HS6ST3: variants seen among roughly 807,000 people sequenced by gnomAD.
HS6ST3 encodes heparan-sulfate 6-O-sulfotransferase 3.
In HS6ST3, 12 loss-of-function variants were observed where a neutral mutation model predicts 36.7. The ratio of observed to expected loss-of-function variants is 0.33; its 90% CI spans 0.21 to 0.53. HS6ST3 has a LOEUF of 0.53. Among genes scored for constraint, HS6ST3 ranks in the 20% least tolerant of loss-of-function variants. The pLI is 0.95. For synonymous variants in HS6ST3, 240 were observed against 257.5 expected, an observed-to-expected ratio of 0.93 and a Z score of 0.65; for missense variants, 584 against 640.9, an observed-to-expected ratio of 0.91 and a Z score of 0.96.
chr13:96,303,044 C>T (rs1463874817), intron 1 of HS6ST3, among the ~76,000 whole-genome samples: 2 of 152,140 alleles, frequency 1.3e-5, no homozygotes, highest in African/African-American at 4.8e-5. Context: ...ACTGTATGGC[C>T]TGCAAAGTTC....
intron 1 of HS6ST3, among the ~76,000 whole-genome samples, chr13:96,349,694 A>G (rs1449053078): frequency 6.6e-6 from 1 of 152,188 alleles, no homozygotes; most frequent in Non-Finnish European, 1.5e-5. Flanking sequence ...ACAAAAATTT[A>G]AACTGCTTTG....
At chr13:96,464,938 A>C (rs957228078) in intron 1 of HS6ST3, among the ~76,000 whole-genome samples, 1 of 141,482 alleles carries the variant, frequency 7.1e-6, no homozygotes, top group Non-Finnish European at 1.5e-5. Context: ...CTATATTGGC[A>C]AGATGCTTCG....
At chr13:96,614,936 T>C (rs1485464431) in intron 1 of HS6ST3, among the ~76,000 whole-genome samples, 5 of 152,174 alleles carry the variant, frequency 3.3e-5, no homozygotes, top group African/African-American at 9.7e-5. Flanking sequence ...CATTTATTTA[T>C]AATATATCTT....
At chr13:96,371,435 A>C (rs957283163) in intron 1 of HS6ST3, among the ~76,000 whole-genome samples, 1 of 152,182 alleles carries the variant, frequency 6.6e-6, no homozygotes, top group African/African-American at 2.4e-5. Context: ...CAACCTATCC[A>C]TCACCTCACA....
At chr13:96,825,739 G>A (rs927548926) in intron 1 of HS6ST3, among the ~76,000 whole-genome samples, 3 of 152,164 alleles carry the variant, frequency 2.0e-5, no homozygotes, top group Admixed American at 1.3e-4. Context: ...TCCAGTCTAT[G>A]CCCTCCTTCC....
At chr13:96,758,045 C>CA (rs1339419681) in intron 1 of HS6ST3, among the ~76,000 whole-genome samples, 1 of 151,820 alleles carries the variant, frequency 6.6e-6, no homozygotes, top group Admixed American at 6.6e-5. Context: ...ATAGAATGAC[C>CA]AGTTAATCTA....
At chr13:96,108,217 C>G (rs1007191767) in intron 1 of HS6ST3, among the ~76,000 whole-genome samples, 4 of 152,184 alleles carry the variant, frequency 2.6e-5, no homozygotes, top group African/African-American at 9.7e-5. Flanking sequence ...CTGGGAGTGT[C>G]TGCCTTATGC....
intron 1 of HS6ST3, among the ~76,000 whole-genome samples, chr13:96,266,681 C>T (rs2104657): frequency 0.042 from 6,342 of 152,004 alleles, 213 homozygotes; most frequent in African/African-American, 0.099. Context: ...TTTTCATTTT[C>T]AATGATTAGG....
chr13:96,472,441 CT>C, intron 1 of HS6ST3, among the ~76,000 whole-genome samples: 1 of 152,274 alleles, frequency 6.6e-6, no homozygotes, highest in African/African-American at 2.4e-5. Context: ...CTCTGGCCTT[CT>C]TTATTTAGCT....
intron 1 of HS6ST3, among the ~76,000 whole-genome samples, chr13:96,130,486 GAAA>G (rs2053970398): frequency 6.6e-6 from 1 of 152,186 alleles, no homozygotes; most frequent in South Asian, 2.1e-4. Context: ...ATGATTTCTG[GAAA>G]AGAGATTAAT....
At chr13:96,589,349 C>T (rs2056374503) in intron 1 of HS6ST3, among the ~76,000 whole-genome samples, 2 of 152,008 alleles carry the variant, frequency 1.3e-5, no homozygotes, top group South Asian at 2.1e-4. Flanking sequence ...TCATAAAAGT[C>T]TCTTATGATC....
intron 1 of HS6ST3, among the ~76,000 whole-genome samples, chr13:96,666,542 A>T (rs2138428154): frequency 6.6e-6 from 1 of 152,116 alleles, no homozygotes; most frequent in Non-Finnish European, 1.5e-5. Context: ...ATTATGGTTA[A>T]TTTTTCAATG....
At chr13:96,546,191 A>G (rs552317591) in intron 1 of HS6ST3, among the ~76,000 whole-genome samples, 2 of 152,090 alleles carry the variant, frequency 1.3e-5, no homozygotes, top group Non-Finnish European at 2.9e-5. Flanking sequence ...CTGAAACTCA[A>G]AAATCTCAAT....
chr13:96,136,693 AT>A (rs2054003848), intron 1 of HS6ST3, among the ~76,000 whole-genome samples: 1 of 43,972 alleles, frequency 2.3e-5, no homozygotes, highest in Non-Finnish European at 4.7e-5. Flanking sequence ...ATATATATAT[AT>A]ATATATATAT....
At chr13:96,679,081 G>A (rs2056709238) in intron 1 of HS6ST3, among the ~76,000 whole-genome samples, 1 of 149,562 alleles carries the variant, frequency 6.7e-6, no homozygotes. Flanking sequence ...GGGAATTCGT[G>A]CCTGGGCTCT....
At chr13:96,695,891 A>C (rs184536201) in intron 1 of HS6ST3, among the ~76,000 whole-genome samples, 2 of 152,198 alleles carry the variant, frequency 1.3e-5, no homozygotes, top group Non-Finnish European at 2.9e-5. Flanking sequence ...GGGTTAAAGA[A>C]TCAGGCCTTC....
At chr13:96,452,602 G>A (rs2055733594) in intron 1 of HS6ST3, among the ~76,000 whole-genome samples, 1 of 151,658 alleles carries the variant, frequency 6.6e-6, no homozygotes, top group Admixed American at 6.6e-5. Flanking sequence ...CAAAAGTCTT[G>A]TGTCTTAAAA....
chr13:96,749,312 T>G (rs1287610254), intron 1 of HS6ST3, among the ~76,000 whole-genome samples: 1 of 152,170 alleles, frequency 6.6e-6, no homozygotes, highest in African/African-American at 2.4e-5. Flanking sequence ...AAGCATAATA[T>G]GTACCATCTG....
intron 1 of HS6ST3, among the ~76,000 whole-genome samples, chr13:96,609,284 A>C (rs1417036171): frequency 6.6e-6 from 1 of 152,120 alleles, no homozygotes; most frequent in Non-Finnish European, 1.5e-5. Context: ...TTATTTTAAA[A>C]TAAAAAGAAT....
Sources: gnomAD v4.1 joint callset for allele counts (sites outside exome capture counted in the v4.1 genomes callset) on GRCh38, gnomAD v4.1.1 for gene constraint, MANE v1.5 for transcripts, NCBI Gene and HGNC (gene_info 2026-07-23, HGNC 2026-07-21) for gene names.